Variants in STIM2 observed in about 807,000 individuals in gnomAD.
STIM2 encodes the protein stromal interaction molecule 2.
In STIM2, 31 loss-of-function variants were observed where a neutral mutation model predicts 85.8. The ratio of observed to expected loss-of-function variants is 0.36; its 90% CI spans 0.27 to 0.49. STIM2 has a LOEUF of 0.49. Among genes scored for constraint, STIM2 ranks in the 20% least tolerant of loss-of-function variants. The pLI, the probability that STIM2 is intolerant of heterozygous loss-of-function variation, is 0.98. For missense variants in STIM2, 841 were observed against 927.6 expected, an observed-to-expected ratio of 0.91 and a Z score of 1.21; for synonymous variants, 356 against 331.1, an observed-to-expected ratio of 1.08 and a Z score of -0.82.
intron 4 of STIM2, among the ~76,000 whole-genome samples, chr4:26,997,050 G>A (rs1043865019): frequency 6.6e-6 from 1 of 152,046 alleles, no homozygotes; most frequent in Non-Finnish European, 1.5e-5. Flanking sequence ...CAGTTTTCAG[G>A]TCAGCCCATT....
chr4:26,981,413 A>C (rs1290649701), intron 3 of STIM2, among the ~76,000 whole-genome samples: 1 of 152,230 alleles, frequency 6.6e-6, no homozygotes, highest in Non-Finnish European at 1.5e-5. Flanking sequence ...AATTAGTAGA[A>C]TTCTCTACCT....
rs189518253 is a variant in STIM2, at chr4:26,951,271, A to C, written c.283-6341A>C. Among the ~76,000 whole-genome samples the C allele has an allele frequency of 1.4e-4, 21 of 152,264 alleles. No homozygotes were observed. The East Asian group carries it at 2.9e-3, about 21-fold the overall frequency. ...TAATGAGCATTTAACATTTTAATTGATATTGCTAGAATTTTCCCCCTGCAA... is the reference window on the plus strand; with the variant it reads ...TAATGAGCATTTAACATTTTAATTGCTATTGCTAGAATTTTCCCCCTGCAA... On this transcript the variant is annotated intron_variant, in intron 2 of 11. Coordinates refer to ENST00000467087, the MANE Select transcript of STIM2 (RefSeq NM_020860.4).
At chr4:26,988,797 T>C (rs1358002899) in intron 3 of STIM2, among the ~76,000 whole-genome samples, 4 of 152,230 alleles carry the variant, frequency 2.6e-5, no homozygotes, top group African/African-American at 9.6e-5. Flanking sequence ...TTCATCGCTA[T>C]CCTGAAAGTT....
Position 26,933,263 on chromosome 4 carries a change from G to A in STIM2, c.282+13629G>A, listed in dbSNP as rs184794564. ...TCTGTTCTTATGAAAACATTTTATC[G>A]TACTTAAAGGTAAATATTAAGGGGA... On this transcript the variant is annotated intron_variant, in intron 2 of 11. Transcript: ENST00000467087. 4.0e-5 allele frequency among the ~76,000 whole-genome samples: 6 copies of A among 151,426 alleles called. No homozygotes were observed. The East Asian group carries it at 7.7e-4, about 20-fold the overall frequency.
intron 1 of STIM2, among the ~76,000 whole-genome samples, chr4:26,879,581 A>T (rs1460921801): frequency 6.6e-6 from 1 of 152,206 alleles, no homozygotes; most frequent in Non-Finnish European, 1.5e-5. Flanking sequence ...CAACTCTATG[A>T]GAGCAGTAGG....
intron 3 of STIM2, among the ~76,000 whole-genome samples, chr4:26,981,230 A>AC (rs968919172): frequency 2.0e-5 from 3 of 151,938 alleles, no homozygotes; most frequent in Non-Finnish European, 2.9e-5. Context: ...ATAAGTACCC[A>AC]CCCCCCACCT....
chr4:26,947,901 C>A (rs115531976), intron 2 of STIM2, among the ~76,000 whole-genome samples: 4 of 152,196 alleles, frequency 2.6e-5, no homozygotes, highest in Admixed American at 2.0e-4. Flanking sequence ...AAGAACCTAT[C>A]CAAAGGAAAT....
intron 1 of STIM2, among the ~76,000 whole-genome samples, chr4:26,869,129 C>T (rs1340303901): frequency 6.6e-6 from 1 of 151,714 alleles, no homozygotes; most frequent in Non-Finnish European, 1.5e-5. Flanking sequence ...ATCCCATCTC[C>T]TCAAAAAATA....
At chr4:27,010,785 C>T (rs901977806) in intron 10 of STIM2, among the ~76,000 whole-genome samples, 1 of 152,016 alleles carries the variant, frequency 6.6e-6, no homozygotes, top group Non-Finnish European at 1.5e-5. Flanking sequence ...ACAATATACA[C>T]AGAATAATAT....
chr4:26,928,898 AGAT>A (rs1725094949), intron 2 of STIM2, among the ~76,000 whole-genome samples: 1 of 152,196 alleles, frequency 6.6e-6, no homozygotes, highest in Non-Finnish European at 1.5e-5. Context: ...TAAAAACAGA[AGAT>A]GATATCTTTC....
chr4:27,012,016 G>A (rs1453171794), intron 10 of STIM2, among the ~76,000 whole-genome samples: 1 of 151,950 alleles, frequency 6.6e-6, no homozygotes, highest in Admixed American at 6.6e-5. Flanking sequence ...TGTTCATAGT[G>A]TGAAGTTGGA....
At chr4:26,917,076 A>T (rs1724609367) in intron 1 of STIM2, among the ~76,000 whole-genome samples, 1 of 152,220 alleles carries the variant, frequency 6.6e-6, no homozygotes, top group Admixed American at 6.5e-5. Flanking sequence ...ATTATGTGAG[A>T]AGTGGAGAAA....
chr4:26,919,508 C>T lies in STIM2; in HGVS notation c.156C>T (p.Pro52=), dbSNP rs1223558588. Residue 52 remains proline, a synonymous_variant, in exon 2 of 12, where the codon CCC becomes CCT. Coordinates refer to ENST00000467087, the MANE Select transcript of STIM2 (RefSeq NM_020860.4). ...TTGCCCTTTGTTCTCTTTCAGATCCCTGCATGTCACTGAGTCCACCATGCT... is the reference window on the plus strand; with the variant it reads ...TTGCCCTTTGTTCTCTTTCAGATCCTTGCATGTCACTGAGTCCACCATGCT... 5 of 1,613,318 alleles carry T rather than the reference C, an allele frequency of 3.1e-6. No individual in the cohort carries two copies. In the Admixed American group the frequency reaches 6.7e-5, roughly 22 times the overall value.
At chr4:26,916,740 G>GT (rs60403799) in intron 1 of STIM2, among the ~76,000 whole-genome samples, 1,741 of 146,418 alleles carry the variant, frequency 0.012, 21 homozygotes, top group African/African-American at 0.023. Flanking sequence ...AATGTTTTAT[G>GT]TTTTTTTTTT....
At chr4:26,902,201 C>T (rs555847676) in intron 1 of STIM2, among the ~76,000 whole-genome samples, 7 of 152,138 alleles carry the variant, frequency 4.6e-5, no homozygotes, top group East Asian at 3.9e-4. Flanking sequence ...AGGAACACTT[C>T]GGGAGAAGGG....
intron 3 of STIM2, among the ~76,000 whole-genome samples, chr4:26,976,545 A>G (rs1469400050): frequency 6.6e-6 from 1 of 152,044 alleles, no homozygotes; most frequent in African/African-American, 2.4e-5. Context: ...TCAAAACTTT[A>G]TGCTGTAATC....
intron 3 of STIM2, among the ~76,000 whole-genome samples, chr4:26,988,475 A>G (rs1477753746): frequency 6.6e-6 from 1 of 152,256 alleles, no homozygotes; most frequent in Non-Finnish European, 1.5e-5. Context: ...GAAAGCTCCA[A>G]GTATGGCTGC....
At chr4:26,867,122 G>A (rs936442682) in intron 1 of STIM2, among the ~76,000 whole-genome samples, 5 of 152,120 alleles carry the variant, frequency 3.3e-5, no homozygotes, top group Non-Finnish European at 7.4e-5. Flanking sequence ...CTATGAAAAT[G>A]TTTAGATGAA....
At chr4:26,973,010 T>C (rs953028217) in intron 3 of STIM2, among the ~76,000 whole-genome samples, 2 of 152,228 alleles carry the variant, frequency 1.3e-5, no homozygotes, top group Non-Finnish European at 2.9e-5. Context: ...TCTTCTAGAT[T>C]TTCTAGTTTA....
Sources: allele counts gnomAD v4.1 joint callset (sites outside exome capture counted in the v4.1 genomes callset), GRCh38; gene constraint gnomAD v4.1.1; transcripts MANE v1.5; gene names NCBI Gene and HGNC (gene_info 2026-07-23, HGNC 2026-07-21).